The following GRIA4 variants were observed in gnomAD, a reference collection of about 807,000 sequenced individuals.
The protein encoded by GRIA4 is glutamate receptor 4.
GRIA4 carries 34 observed loss-of-function variants against 104.0 expected under a neutral mutation model. That is an observed-to-expected ratio of 0.33 (90% CI 0.25 to 0.44). The LOEUF (loss-of-function observed/expected upper bound fraction) is 0.44. GRIA4 is among the 20% of genes least tolerant of loss of function. GRIA4 has a pLI of 1.00. For missense variants in GRIA4, 750 were observed against 1,096.5 expected (o/e 0.68, Z 4.46); for synonymous variants, 386 against 381.9 (o/e 1.01, Z -0.13).
chr11:105,949,695 T>C (rs1325950244), intron 14 of GRIA4, among the ~76,000 whole-genome samples: 5 of 152,158 alleles, frequency 3.3e-5, no homozygotes, highest in African/African-American at 7.2e-5. Context: ...GAGTGATTAC[T>C]GGAAAATGTT....
At chr11:105,618,489 G>C (rs1345689826) in intron 3 of GRIA4, among the ~76,000 whole-genome samples, 1 of 151,958 alleles carries the variant, frequency 6.6e-6, no homozygotes, top group African/African-American at 2.4e-5. Context: ...TGTCTGTGTG[G>C]GAGGGTGCAG....
At chr11:105,816,650 A>T (rs1301995935) in intron 4 of GRIA4, among the ~76,000 whole-genome samples, 3 of 152,144 alleles carry the variant, frequency 2.0e-5, no homozygotes, top group South Asian at 4.1e-4. Context: ...GGCCTAATAC[A>T]TGATGTCTCA....
At chr11:105,633,789 C>T (rs1435465548) in intron 3 of GRIA4, among the ~76,000 whole-genome samples, 1 of 152,108 alleles carries the variant, frequency 6.6e-6, no homozygotes, top group African/African-American at 2.4e-5. Context: ...ACATAAATGA[C>T]AACCAGTTTA....
chr11:105,767,868 A>C (rs1941023615), intron 4 of GRIA4, among the ~76,000 whole-genome samples: 1 of 152,114 alleles, frequency 6.6e-6, no homozygotes, highest in Admixed American at 6.6e-5. Flanking sequence ...TTGGATTAAA[A>C]ATCTGTGCCC....
rs34888562 is a variant in GRIA4 at position 105,786,144 on chromosome 11, C to CAAAA, written c.487+32942_487+32945dup. 8.1e-4 allele frequency among the ~76,000 whole-genome samples: 72 copies of CAAAA among 88,704 alleles called. 1 individual carries two copies. Among genetic ancestry groups the CAAAA allele is most frequent in the Non-Finnish European group, 1.0e-3 (50 of 48,354 alleles). The allele number at this position is 88,704 out of a possible 152,430, so 58.2% of individuals were successfully genotyped here. ...TGGGCGACACAGTGAGACCCTTTCT[C>CAAAA]AAAAAAAAAAAAAAAAAAAAAGGAA... On this transcript the variant is annotated intron_variant, in intron 4 of 16. Coordinates refer to ENST00000282499, the MANE Select transcript of GRIA4 (RefSeq NM_000829.4).
chr11:105,716,601 A>G (rs557253623), intron 3 of GRIA4, among the ~76,000 whole-genome samples: 5 of 152,282 alleles, frequency 3.3e-5, no homozygotes, highest in Admixed American at 3.3e-4. Context: ...CTCCTAAGCT[A>G]CACATCATCA....
At chr11:105,673,622 G>C (rs1490899902) in intron 3 of GRIA4, among the ~76,000 whole-genome samples, 1 of 151,756 alleles carries the variant, frequency 6.6e-6, no homozygotes, top group African/African-American at 2.4e-5. Flanking sequence ...GTATCCACTC[G>C]CTAGCAATTT....
chr11:105,847,366 G>A (rs1944637715), intron 4 of GRIA4, among the ~76,000 whole-genome samples: 2 of 152,156 alleles, frequency 1.3e-5, no homozygotes, highest in Admixed American at 1.3e-4. Flanking sequence ...TAACAGGCCA[G>A]GGACCGGTAG....
At chr11:105,884,403 CGAT>C (rs1162118807) in intron 5 of GRIA4, among the ~76,000 whole-genome samples, 1 of 152,222 alleles carries the variant, frequency 6.6e-6, no homozygotes, top group Non-Finnish European at 1.5e-5. Flanking sequence ...GAAACCACAA[CGAT>C]GACACTGTCA....
At chr11:105,800,780 A>T (rs5017918) in intron 4 of GRIA4, among the ~76,000 whole-genome samples, 103,261 of 151,356 alleles carry the variant, frequency 0.68, 35,517 homozygotes, top group African/African-American at 0.78. Flanking sequence ...TACATTAAAA[A>T]TTTTAATTTT....
Position 105,862,216 on chromosome 11 carries a change from C to T in GRIA4, c.672+8C>T, listed in dbSNP as rs778878676. 12 of 1,511,892 alleles carry T rather than the reference C, an allele frequency of 7.9e-6. 1 individual carries two copies. Among genetic ancestry groups the T allele is most frequent in the Non-Finnish European group, 5.5e-6 (6 of 1,089,186 alleles). 93.7% of individuals were successfully genotyped at this position (1,511,892 alleles called of 1,614,324 possible). A position where few individuals can be genotyped will look rare whatever the true frequency, so the allele number is the denominator to read the frequency against. ...CAAAACATATTAGAACAGGTAAGTC[C>T]TAGATTTTATATTTTTAACCTAGAC... On this transcript the variant is annotated splice_region_variant and intron_variant, in intron 5 of 16. Transcript: ENST00000282499.
chr11:105,952,428 A>G (rs1948476813), intron 14 of GRIA4, among the ~76,000 whole-genome samples: 1 of 152,198 alleles, frequency 6.6e-6, no homozygotes, highest in Non-Finnish European at 1.5e-5. Flanking sequence ...ATTTGTAAAT[A>G]TTACCTAAAA....
rs1939296050 is a variant in GRIA4 at position 105,741,396 on chromosome 11, G to C, written c.248-11585G>C. 2.6e-5 allele frequency among the ~76,000 whole-genome samples: 4 copies of C among 152,176 alleles called. No individual in the cohort carries two copies. In the South Asian group the frequency reaches 8.3e-4, roughly 32 times the overall value. On this transcript the variant is annotated intron_variant, in intron 3 of 16. Coordinates refer to ENST00000282499, the MANE Select transcript of GRIA4 (RefSeq NM_000829.4). ...CAATATGAAAATATTAACCATGGGA[G>C]CTTTGGAACATGAGTAATAGTTGAA... is the stretch of plus-strand genomic sequence containing the variant.
chr11:105,651,975 G>A (rs1400764053), intron 3 of GRIA4, among the ~76,000 whole-genome samples: 1 of 151,942 alleles, frequency 6.6e-6, no homozygotes, highest in African/African-American at 2.4e-5. Context: ...ATATACTACT[G>A]GAGCCAGAGT....
chr11:105,940,825 T>A (rs200034013), intron 14 of GRIA4, among the ~76,000 whole-genome samples: 1 of 150,698 alleles, frequency 6.6e-6, no homozygotes, highest in African/African-American at 2.4e-5. Flanking sequence ...CACATTTAAT[T>A]TAAAAAAAAG....
chr11:105,969,382 C>T (rs1858561279), intron 14 of GRIA4, among the ~76,000 whole-genome samples: 1 of 152,118 alleles, frequency 6.6e-6, no homozygotes, highest in Non-Finnish European at 1.5e-5. Context: ...TTCTGATAGT[C>T]CACCAGTTGA....
chr11:105,711,530 T>C (rs1953911966), intron 3 of GRIA4, among the ~76,000 whole-genome samples: 1 of 152,200 alleles, frequency 6.6e-6, no homozygotes, highest in Non-Finnish European at 1.5e-5. Flanking sequence ...ACTTGATTTA[T>C]ATGAATTCCA....
At chr11:105,839,904 T>G (rs886916877) in intron 4 of GRIA4, among the ~76,000 whole-genome samples, 1 of 152,078 alleles carries the variant, frequency 6.6e-6, no homozygotes. Flanking sequence ...CTTTTTCTAT[T>G]ATTCTATTAA....
At chr11:105,775,597 T>C (rs1468820457) in intron 4 of GRIA4, among the ~76,000 whole-genome samples, 1 of 151,936 alleles carries the variant, frequency 6.6e-6, no homozygotes, top group Admixed American at 6.6e-5. Context: ...TGACTGGAAA[T>C]AAATATAAAG....
Sources: gnomAD v4.1 joint callset for allele counts (sites outside exome capture counted in the v4.1 genomes callset) on GRCh38, gnomAD v4.1.1 for gene constraint, MANE v1.5 for transcripts, NCBI Gene and HGNC (gene_info 2026-07-23, HGNC 2026-07-21) for gene names.